ZNF618: variants seen among roughly 807,000 people sequenced by gnomAD.
ZNF618 encodes the protein neural precursor cell expressed, developmentally down-regulated 10.
A neutral mutation model predicts 103.0 loss-of-function variants in ZNF618; 34 were observed. The observed-to-expected ratio is 0.33, with a 90% CI of 0.25 to 0.44. The LOEUF is 0.44. Ranked by LOEUF, ZNF618 falls within the 20% of genes least tolerant of loss-of-function variation. ZNF618 has a pLI of 1.00. For synonymous variants in ZNF618, 551 were observed against 542.2 expected (o/e 1.02, Z -0.23); for missense variants, 1,059 against 1,295.4 (o/e 0.82, Z 2.80).
intron 9 of ZNF618, 88 bp downstream of exon 9, chr9:114,008,642 C>A: frequency 6.8e-7 from 1 of 1,468,964 alleles, no homozygotes. Flanking sequence ...GCAGGGGTAG[C>A]AGTGGGTGGC....
At chr9:114,034,423 C>T (rs1049233040) in intron 12 of ZNF618, among the ~76,000 whole-genome samples, 5 of 152,332 alleles carry the variant, frequency 3.3e-5, no homozygotes, top group South Asian at 2.1e-4. Context: ...GGAACGATAG[C>T]GCAAGCACTG....
intron 1 of ZNF618, among the ~76,000 whole-genome samples, chr9:113,890,726 T>C (rs1238762484): frequency 3.3e-5 from 5 of 152,186 alleles, no homozygotes; most frequent in African/African-American, 9.7e-5. Context: ...ACATTTCTAT[T>C]AGGAGATTGT....
At chr9:114,037,376 T>C (rs777672142) in intron 13 of ZNF618, among the ~76,000 whole-genome samples, 13 of 152,182 alleles carry the variant, frequency 8.5e-5, no homozygotes, top group Admixed American at 2.0e-4. Flanking sequence ...AAGTGACACC[T>C]GTAAATGCTC....
chr9:113,881,788 G>C (rs921647569), intron 1 of ZNF618, among the ~76,000 whole-genome samples: 1 of 152,196 alleles, frequency 6.6e-6, no homozygotes, highest in Non-Finnish European at 1.5e-5. Flanking sequence ...CTGTAGTGAT[G>C]ATGAGTTCCA....
At chr9:113,977,496 CAT>C (rs1258123728) in intron 2 of ZNF618, among the ~76,000 whole-genome samples, 6 of 152,090 alleles carry the variant, frequency 3.9e-5, no homozygotes, top group Admixed American at 2.0e-4. Context: ...CATAGGACCT[CAT>C]GTGTGCAGGA....
At chr9:113,920,555 C>G (rs1446418183) in intron 1 of ZNF618, among the ~76,000 whole-genome samples, 1 of 152,064 alleles carries the variant, frequency 6.6e-6, no homozygotes, top group South Asian at 2.1e-4. Flanking sequence ...GCGCCCGCCA[C>G]CATGCCTGGC....
intron 1 of ZNF618, among the ~76,000 whole-genome samples, chr9:113,951,445 A>G (rs1319992797): frequency 1.3e-5 from 1 of 75,252 alleles, no homozygotes; most frequent in African/African-American, 5.4e-5. Flanking sequence ...ATATATACAT[A>G]TATGTGTATA....
chr9:114,040,690 A>T (rs1259473319), intron 13 of ZNF618, among the ~76,000 whole-genome samples: 3 of 152,306 alleles, frequency 2.0e-5, no homozygotes, highest in Non-Finnish European at 4.4e-5. Context: ...ATAGTATTCC[A>T]TGGTGTATAT....
chr9:114,031,579 G>C lies in ZNF618; in HGVS notation c.1085-1066G>C, dbSNP rs140086288. Among the ~76,000 whole-genome samples, 8 of 152,278 alleles carry C rather than the reference G, an allele frequency of 5.3e-5. No individual in the cohort carries two copies. In the East Asian group the frequency reaches 1.2e-3, roughly 22 times the overall value. ...AGGTGAGAGTGGCATTTCCCAAAGT[G>C]CATTCTCAAGATCACCAATTTTGTG... is the stretch of plus-strand genomic sequence containing the variant. On this transcript the variant is annotated intron_variant, in intron 11 of 14. Coordinates refer to ENST00000374126, the MANE Select transcript of ZNF618 (RefSeq NM_001318042.2).
intron 1 of ZNF618, among the ~76,000 whole-genome samples, chr9:113,922,528 T>C (rs1832741860): frequency 6.6e-6 from 1 of 151,734 alleles, no homozygotes; most frequent in Non-Finnish European, 1.5e-5. Context: ...GCAACATTTG[T>C]TGAAAAGAGT....
rs1829872586 is a variant in ZNF618, at chr9:113,894,494, A to T, written c.33+18081A>T. Among the ~76,000 whole-genome samples the T allele has an allele frequency of 2.6e-5, 4 of 152,124 alleles. No individual in the cohort carries two copies. The South Asian group carries it at 8.3e-4, about 32-fold the overall frequency. On this transcript the variant is annotated intron_variant, in intron 1 of 14. Transcript: ENST00000374126. ...AAAGGGAATCCAAGGCAACTTCTTG[A>T]GGGAAGTGTCATTTGCACTTAGCTT... is the stretch of plus-strand genomic sequence containing the variant.
intron 3 of ZNF618, among the ~76,000 whole-genome samples, chr9:113,996,476 C>G (rs1203031621): frequency 1.3e-5 from 2 of 152,170 alleles, no homozygotes; most frequent in African/African-American, 2.4e-5. Flanking sequence ...TTCTCAGAAG[C>G]CTGCATCCTC....
intron 2 of ZNF618, among the ~76,000 whole-genome samples, chr9:113,981,895 G>A (rs978918445): frequency 2.0e-5 from 3 of 152,198 alleles, no homozygotes; most frequent in Admixed American, 6.5e-5. Context: ...AAACAGACCC[G>A]GGCCCCGTTC....
rs1387836821 is a variant in ZNF618 at position 114,008,650 on chromosome 9, G to A, written c.754+96G>A. 1.7e-5 allele frequency: 24 copies of A among 1,424,194 alleles called. No homozygotes were observed. The East Asian group carries it at 5.8e-4, about 34-fold the overall frequency. 88.2% of individuals were successfully genotyped at this position (1,424,194 alleles called of 1,614,324 possible). On this transcript the variant is annotated intron_variant, in intron 9 of 14. Coordinates refer to ENST00000374126, the MANE Select transcript of ZNF618 (RefSeq NM_001318042.2). The stretch of plus-strand genomic sequence containing the variant: ...TGCTAGGGCAGGGGTAGCAGTGGGT[G>A]GCATCACTTAACTGCAGCAATGGTG...
chr9:113,921,534 T>C (rs1437144460), intron 1 of ZNF618, among the ~76,000 whole-genome samples: 1 of 152,204 alleles, frequency 6.6e-6, no homozygotes, highest in African/African-American at 2.4e-5. Flanking sequence ...TTCCAGAGTC[T>C]CGAAACACCC....
chr9:113,967,619 A>G (rs971794593), intron 1 of ZNF618, among the ~76,000 whole-genome samples: 1 of 152,160 alleles, frequency 6.6e-6, no homozygotes, highest in Non-Finnish European at 1.5e-5. Flanking sequence ...CTTTTGATAA[A>G]TACATTCTTT....
At chr9:113,883,160 C>T (rs1828691074) in intron 1 of ZNF618, among the ~76,000 whole-genome samples, 1 of 152,158 alleles carries the variant, frequency 6.6e-6, no homozygotes, top group Non-Finnish European at 1.5e-5. Context: ...TTGGGCTTGG[C>T]CATTTGGTCA....
At chr9:113,959,787 T>C (rs1459554631) in intron 1 of ZNF618, among the ~76,000 whole-genome samples, 1 of 152,188 alleles carries the variant, frequency 6.6e-6, no homozygotes, top group Non-Finnish European at 1.5e-5. Flanking sequence ...TTTTGTATTT[T>C]TAGTAGAGAC....
Position 114,049,339 on chromosome 9 carries a change from G to C in ZNF618, c.2037G>C (p.Lys679Asn). 1 of 1,611,090 alleles carries C rather than the reference G, an allele frequency of 6.2e-7. No homozygotes were observed. Among genetic ancestry groups the C allele is most frequent in the Non-Finnish European group, 8.5e-7 (1 of 1,179,302 alleles). Reference sequence around the variant, plus strand: ...TGGCGGGCTCCACGGGCCTGGCCAAGGAGACCTTCGGGTCGCTGGAGGAGA... The same window carrying C: ...TGGCGGGCTCCACGGGCCTGGCCAACGAGACCTTCGGGTCGCTGGAGGAGA... ...EDLAGSTGLA[K>N]ETFGSLEETS... Residue 679 changes from lysine (K) to asparagine (N), a missense_variant, in exon 15 of 15, where the codon AAG (lysine) becomes AAC (asparagine). Lys to Asn is a moderately conservative substitution (Grantham distance 94, BLOSUM62 0). Around this residue, in one of 6 missense-constraint regions of ZNF618, gnomAD observed 272 missense variants for 380.1 expected, o/e 0.72. Transcript: ENST00000374126.
Sources: gnomAD v4.1 joint callset for allele counts (sites outside exome capture counted in the v4.1 genomes callset) on GRCh38, gnomAD v4.1.1 for gene constraint, gnomAD v4.1.1 regional missense constraint, MANE v1.5 for transcripts, NCBI Gene and HGNC (gene_info 2026-07-23, HGNC 2026-07-21) for gene names.